NRG3: variants seen among roughly 807,000 people sequenced by gnomAD.
The protein encoded by NRG3 is neuregulin 3, also known as pro-neuregulin-3, membrane-bound isoform.
NRG3 carries 31 observed loss-of-function variants against 66.9 expected under a neutral mutation model. That is an observed-to-expected ratio of 0.46 (90% CI 0.35 to 0.63). The LOEUF (loss-of-function observed/expected upper bound fraction) is 0.63. Among genes scored for constraint, NRG3 ranks in the 20% least tolerant of loss-of-function variants. The probability of loss-of-function intolerance (pLI) is 0.00; values close to 1 mark genes in which losing one functional copy is unlikely to be tolerated. For missense variants in NRG3, 910 were observed against 878.9 expected (o/e 1.04, Z -0.45); for synonymous variants, 393 against 359.4 (o/e 1.09, Z -1.06).
At chr10:82,351,703 C>T (rs12358632) in intron 1 of NRG3, among the ~76,000 whole-genome samples, 7,536 of 152,234 alleles carry the variant, frequency 0.05, 277 homozygotes, top group Non-Finnish European at 0.08. Flanking sequence ...TGGAAAATGA[C>T]CCTGCTGTAA....
intron 1 of NRG3, among the ~76,000 whole-genome samples, chr10:81,919,613 C>G (rs755605132): frequency 6.6e-6 from 1 of 152,020 alleles, no homozygotes; most frequent in African/African-American, 2.4e-5. Flanking sequence ...GGGTGGAATT[C>G]TTATTAAGTA....
At chr10:82,161,729 C>A (rs2071617197) in intron 1 of NRG3, among the ~76,000 whole-genome samples, 1 of 152,000 alleles carries the variant, frequency 6.6e-6, no homozygotes, top group African/African-American at 2.4e-5. Context: ...CTTCCTGACC[C>A]ATACTATCTG....
intron 1 of NRG3, among the ~76,000 whole-genome samples, chr10:82,072,803 A>G (rs1052782013): frequency 1.3e-5 from 2 of 151,840 alleles, no homozygotes; most frequent in Non-Finnish European, 2.9e-5. Flanking sequence ...GTCTTGCTCC[A>G]TGGCCCAAGC....
chr10:82,413,074 A>T (rs190277506), intron 2 of NRG3, among the ~76,000 whole-genome samples: 1 of 152,266 alleles, frequency 6.6e-6, no homozygotes, highest in East Asian at 1.9e-4. Flanking sequence ...TGATATTTTG[A>T]CTATAGATCC....
At chr10:82,022,304 T>C (rs1163586008) in intron 1 of NRG3, among the ~76,000 whole-genome samples, 4 of 152,004 alleles carry the variant, frequency 2.6e-5, no homozygotes, top group African/African-American at 7.2e-5. Context: ...AGAATCCTAA[T>C]TGAGGGAAGA....
intron 2 of NRG3, among the ~76,000 whole-genome samples, chr10:82,635,944 T>TG (rs2050166936): frequency 6.6e-6 from 1 of 152,030 alleles, no homozygotes; most frequent in South Asian, 2.1e-4. Context: ...GAAGTGGGTA[T>TG]GGGGGTGTCC....
At chr10:82,765,327 A>G (rs1411383390) in intron 3 of NRG3, among the ~76,000 whole-genome samples, 2 of 152,174 alleles carry the variant, frequency 1.3e-5, no homozygotes, top group African/African-American at 4.8e-5. Flanking sequence ...ATATGATACA[A>G]TGACAAAGTA....
intron 1 of NRG3, among the ~76,000 whole-genome samples, chr10:82,068,411 C>T (rs542528175): frequency 3.9e-5 from 6 of 152,284 alleles, no homozygotes; most frequent in African/African-American, 1.4e-4. Flanking sequence ...GTATCAAGCA[C>T]ATACTACATG....
At chr10:82,456,320 T>G (rs2091266537) in intron 2 of NRG3, among the ~76,000 whole-genome samples, 1 of 151,954 alleles carries the variant, frequency 6.6e-6, no homozygotes, top group Non-Finnish European at 1.5e-5. Context: ...TTTTTTATTT[T>G]TTAACTTATT....
At chr10:82,801,935 G>A (rs1565330461) in intron 3 of NRG3, among the ~76,000 whole-genome samples, 1 of 152,158 alleles carries the variant, frequency 6.6e-6, no homozygotes, top group Non-Finnish European at 1.5e-5. Flanking sequence ...AATTACCAAA[G>A]TCTCTTGTAT....
At chr10:81,939,837 T>C (rs1475949283) in intron 1 of NRG3, among the ~76,000 whole-genome samples, 2 of 152,016 alleles carry the variant, frequency 1.3e-5, no homozygotes, top group Non-Finnish European at 2.9e-5. Context: ...TTCTTCTTCT[T>C]TTTCCAGTTC....
Position 82,232,720 on chromosome 10 carries a change from A to G in NRG3, c.824-126019A>G, listed in dbSNP as rs1056391498. On this transcript the variant is annotated intron_variant, in intron 1 of 8. Transcript: ENST00000372141. ...GGAGACACAGGAGAGACTCGAGAAAATAAAGTATTTTCTACTCACAGGTCC... is the reference window on the plus strand; with the variant it reads ...GGAGACACAGGAGAGACTCGAGAAAGTAAAGTATTTTCTACTCACAGGTCC... 4.2e-6 allele frequency: 3 copies of G among 716,994 alleles called. No homozygotes were observed. The African/African-American group carries it at 5.2e-5, about 13-fold the overall frequency. 44.4% of individuals were successfully genotyped at this position (716,994 alleles called of 1,614,324 possible). A position where few individuals can be genotyped will look rare whatever the true frequency, so the allele number is the denominator to read the frequency against.
At chr10:82,618,331 G>T (rs568098411) in intron 2 of NRG3, among the ~76,000 whole-genome samples, 3 of 152,114 alleles carry the variant, frequency 2.0e-5, no homozygotes, top group South Asian at 4.2e-4. Context: ...GAGACGGGGG[G>T]GAATTTATGC....
At chr10:82,813,211 CTTT>C (rs58875697) in intron 3 of NRG3, among the ~76,000 whole-genome samples, 250 of 112,136 alleles carry the variant, frequency 2.2e-3, no homozygotes, top group Non-Finnish European at 3.7e-3. Context: ...CTCTGTTTCT[CTTT>C]TTTTTTTTTT....
At chr10:82,761,904 TTTC>T (rs1461968230) in intron 3 of NRG3, among the ~76,000 whole-genome samples, 8 of 148,320 alleles carry the variant, frequency 5.4e-5, no homozygotes, top group African/African-American at 2.0e-4. Flanking sequence ...CCTTCCGTTC[TTTC>T]TTCTTTCTTT....
chr10:82,678,054 C>T (rs2053844519), intron 2 of NRG3, among the ~76,000 whole-genome samples: 1 of 152,246 alleles, frequency 6.6e-6, no homozygotes, highest in Admixed American at 6.5e-5. Context: ...GGACATATAC[C>T]AGTTAAACTC....
intron 1 of NRG3, among the ~76,000 whole-genome samples, chr10:82,226,627 T>C (rs1484520719): frequency 6.6e-6 from 1 of 152,122 alleles, no homozygotes; most frequent in African/African-American, 2.4e-5. Context: ...ATTGACTGGG[T>C]TCTTAACACA....
chr10:82,220,495 C>T (rs1438246144), intron 1 of NRG3, among the ~76,000 whole-genome samples: 2 of 151,914 alleles, frequency 1.3e-5, no homozygotes, highest in African/African-American at 4.8e-5. Context: ...TTAGGGGGAT[C>T]CTACAGGAAG....
chr10:82,169,816 T>G (rs1419235914), intron 1 of NRG3, among the ~76,000 whole-genome samples: 2 of 151,876 alleles, frequency 1.3e-5, no homozygotes, highest in Non-Finnish European at 2.9e-5. Flanking sequence ...TTTATTATTC[T>G]GTTTTTTCTG....
Sources: allele counts gnomAD v4.1 joint callset (sites outside exome capture counted in the v4.1 genomes callset), GRCh38; gene constraint gnomAD v4.1.1; transcripts MANE v1.5; gene names NCBI Gene and HGNC (gene_info 2026-07-23, HGNC 2026-07-21).